The following MEIOC variants were observed in gnomAD, a reference collection of about 807,000 sequenced individuals.
The protein encoded by MEIOC is meiosis-specific coiled-coil domain-containing protein MEIOC.
A neutral mutation model predicts 85.3 loss-of-function variants in MEIOC; 9 were observed. The observed-to-expected ratio is 0.11, with a 90% CI of 0.06 to 0.18. The LOEUF is 0.18. Among genes scored for constraint, MEIOC ranks in the 10% least tolerant of loss-of-function variants. The probability of loss-of-function intolerance (pLI) is 1.00; values close to 1 mark genes in which losing one functional copy is unlikely to be tolerated. For missense variants in MEIOC, 898 were observed against 1,129.4 expected (o/e 0.80, Z 2.94); for synonymous variants, 365 against 393.7 (o/e 0.93, Z 0.86).
At chr17:44,669,361 A>T (rs766083467) in intron 5 of MEIOC, 22 bp from the exon 6 acceptor site, 2 of 1,538,708 alleles carry the variant, frequency 1.3e-6, no homozygotes, top group Non-Finnish European at 1.8e-6. Context: ...TCTACATCTA[A>T]AAAGTATGTA....
intron 3 of MEIOC, among the ~76,000 whole-genome samples, chr17:44,663,212 T>TCCC (rs1308621869): frequency 1.5e-4 from 23 of 152,284 alleles, no homozygotes; most frequent in African/African-American, 5.5e-4. Flanking sequence ...CAGATGCTTT[T>TCCC]CTATGGGGGA....
intron 5 of MEIOC, among the ~76,000 whole-genome samples, chr17:44,668,626 C>T (rs9915850): frequency 0.027 from 4,150 of 152,242 alleles, 134 homozygotes; most frequent in African/African-American, 0.077. Flanking sequence ...CCACTGCACC[C>T]GGCTAACTTG....
intron 1 of MEIOC, among the ~76,000 whole-genome samples, 187 bp from the exon 2 acceptor site, chr17:44,656,940 A>G (rs1003980698): frequency 5.3e-5 from 8 of 151,950 alleles, no homozygotes; most frequent in African/African-American, 1.9e-4. Context: ...CCTCGGGGTC[A>G]GCACTCAGGG....
chr17:44,666,910 T>C lies in MEIOC; in HGVS notation c.999T>C (p.His333=). 1 of 1,609,486 alleles carries C rather than the reference T, an allele frequency of 6.2e-7. No homozygotes were observed. The highest frequency in any genetic ancestry group is 1.1e-5 in the South Asian group (1 of 90,450). ...VDYCRYPEYV[H]PNKAKLNKCS... is the part of the protein sequence containing the mutation. The stretch of plus-strand genomic sequence containing the variant: ...ATTGTAGATACCCAGAGTATGTTCA[T>C]CCTAATAAGGCTAAGCTTAATAAAT... The change falls in exon 5 of 8, where the codon CAT becomes CAC. Residue 333 remains histidine, a synonymous_variant. Transcript: ENST00000409122.
At chr17:44,676,364 ATTCTTT>A (rs1302078802), downstream of MEIOC, 1 of 152,204 alleles carries the variant, frequency 6.6e-6, no homozygotes, top group Admixed American at 6.5e-5. Context: ...TGGTGTACTC[ATTCTTT>A]TTAATGGAAA....
rs955699241 is a variant in MEIOC at position 44,667,703 on chromosome 17, G to T, written c.1792G>T (p.Gly598Trp). The T allele has an allele frequency of 3.7e-6, 6 of 1,613,296 alleles. No individual in the cohort carries two copies. Among genetic ancestry groups the T allele is most frequent in the Non-Finnish European group, 3.4e-6 (4 of 1,179,660 alleles). Residue 598 changes from glycine to tryptophan, a missense_variant, in exon 5 of 8, where the codon GGG (glycine) becomes TGG (tryptophan). Gly to Trp is a radical substitution (Grantham distance 184). Coordinates refer to ENST00000409122, the MANE Select transcript of MEIOC (RefSeq NM_001145080.3). ...FCDNYSAQKY[G>W]IIENVNKHNF... Reference sequence around the variant, plus strand: ...TGATAACTATTCAGCTCAGAAGTATGGGATAATTGAAAATGTAAACAAACA... The same window carrying T: ...TGATAACTATTCAGCTCAGAAGTATTGGATAATTGAAAATGTAAACAAACA...
rs1971904819 is a variant in MEIOC at position 44,666,443 on chromosome 17, C to T, written c.532C>T (p.Leu178Phe). Residue 178 changes from leucine (L) to phenylalanine (F), a missense_variant, in exon 5 of 8, where the codon CTC becomes TTC. Transcript: ENST00000409122. The part of the protein sequence containing the change: ...NTSRFADHHD[L>F]LTETKRPIDT... ...AAGCAGATTTGCAGATCACCATGAC[C>T]TCTTAACAGAAACCAAAAGGCCAAT... The T allele has an allele frequency of 6.4e-7, 1 of 1,557,606 alleles. No individual in the cohort carries two copies.
Position 44,668,165 on chromosome 17 carries a change from A to G in MEIOC, c.2254A>G (p.Ser752Gly). ...RPIKTRSGPA[S>G]ELHIRLEECC... is the part of the protein sequence containing the mutation. ...AATTAAAACCCGTAGTGGACCAGCCAGTGAACTTCATATTCGTCTAGAAGA... is the reference window on the plus strand; with the variant it reads ...AATTAAAACCCGTAGTGGACCAGCCGGTGAACTTCATATTCGTCTAGAAGA... Residue 752 changes from serine to glycine, a missense_variant, in exon 5 of 8, where the codon AGT (serine) becomes GGT (glycine). Ser to Gly is a moderately conservative substitution (Grantham distance 56). Coordinates refer to ENST00000409122, the MANE Select transcript of MEIOC (RefSeq NM_001145080.3). 1.2e-6 allele frequency: 2 copies of G among 1,613,992 alleles called. No individual in the cohort carries two copies. The highest frequency in any genetic ancestry group is 1.7e-6 in the Non-Finnish European group (2 of 1,179,860).
intron 2 of MEIOC, among the ~76,000 whole-genome samples, chr17:44,661,239 G>A (rs952944571): frequency 3.2e-5 from 4 of 124,704 alleles, no homozygotes; most frequent in Non-Finnish European, 4.7e-5. Flanking sequence ...AGTGAGCCGA[G>A]ATCTCGCCAC....
chr17:44,665,311 G>C, intron 3 of MEIOC, 73 bp from the exon 4 acceptor site: 9 of 983,934 alleles, frequency 9.1e-6, no homozygotes, highest in Non-Finnish European at 1.1e-5. Context: ...TATAGATAAA[G>C]ATGGTAAGGT....
At position 44,672,579 on chromosome 17, in the gene MEIOC, T is replaced by C. The variant is rs142884865; in HGVS notation, c.2458-787T>C. Among the ~76,000 whole-genome samples the C allele has an allele frequency of 4.9e-3, 742 of 152,334 alleles. 5 individuals carry two copies. Among genetic ancestry groups the C allele is most frequent in the Middle Eastern group, 0.01 (3 of 294 alleles). ...CCAAGTTCTGCTATCAATTGTTAAA[T>C]CATTTAATTCCCAAAGACAATTACT... On this transcript the variant is annotated intron_variant, in intron 6 of 7. Coordinates refer to ENST00000409122, the MANE Select transcript of MEIOC (RefSeq NM_001145080.3).
At chr17:44,676,967 A>G (rs1972084831), downstream of MEIOC, 4 of 984,300 alleles carry the variant, frequency 4.1e-6, no homozygotes, top group Non-Finnish European at 4.8e-6. Context: ...TTGAGAGTAT[A>G]CTTAACTGTG....
intron 2 of MEIOC, among the ~76,000 whole-genome samples, chr17:44,660,678 T>C (rs1971830675): frequency 6.6e-6 from 1 of 152,216 alleles, no homozygotes; most frequent in South Asian, 2.1e-4. Context: ...TTCAGTCTTC[T>C]TTAAGGAAGC....
At chr17:44,673,200 T>G (rs1454617605) in intron 6 of MEIOC, 166 bp from the exon 7 acceptor site, 1 of 464,628 alleles carries the variant, frequency 2.2e-6, no homozygotes, top group Non-Finnish European at 3.7e-6. Context: ...TAGAAAACAC[T>G]TTCCATTTTT....
chr17:44,657,527 C>T (rs1971781247), intron 2 of MEIOC, among the ~76,000 whole-genome samples: 1 of 151,680 alleles, frequency 6.6e-6, no homozygotes, highest in Middle Eastern at 3.4e-3. Context: ...CGCCACCACG[C>T]CCGGCTGTTT....
intron 2 of MEIOC, among the ~76,000 whole-genome samples, chr17:44,661,212 C>T (rs907455002): frequency 7.2e-6 from 1 of 137,960 alleles, no homozygotes; most frequent in East Asian, 2.4e-4. Flanking sequence ...CGCTTCAACC[C>T]GGGAGGCAGA....
Position 44,666,661 on chromosome 17 carries a change from T to G in MEIOC, c.750T>G (p.Ile250Met). 6.2e-7 allele frequency: 1 copy of G among 1,612,114 alleles called. No individual in the cohort carries two copies. Among genetic ancestry groups the G allele is most frequent in the Non-Finnish European group, 8.5e-7 (1 of 1,178,942 alleles). The change falls in exon 5 of 8, where the codon ATT (isoleucine) becomes ATG (methionine). Residue 250 changes from isoleucine (I) to methionine (M), a missense_variant. This residue lies in a region of MEIOC where 734 missense variants were observed against 860.1 expected (regional missense o/e 0.85). Coordinates refer to ENST00000409122, the MANE Select transcript of MEIOC (RefSeq NM_001145080.3). ...GTGATCATTCTAACTGTCACAATAT[T>G]CAGACAAATGATACAGCTAAGACAA... The part of the protein sequence containing the change: ...SRSDHSNCHN[I>M]QTNDTAKTTF...
rs186266941 is a variant in MEIOC at position 44,674,766 on chromosome 17, T to G, written c.*570T>G. ...TACTACCATATTTATAAATTTGGAA[T>G]CTTAATGCCTAGGTATATGGAGGGA... On this transcript the variant is annotated 3_prime_UTR_variant, in exon 8 of 8. Coordinates refer to ENST00000409122, the MANE Select transcript of MEIOC (RefSeq NM_001145080.3). The G allele has an allele frequency of 1.0e-6, 1 of 979,736 alleles. No individual in the cohort carries two copies. The highest frequency in any genetic ancestry group is 1.1e-4 in the East Asian group (1 of 8,808). The allele number at this position is 979,736 out of a possible 1,614,324, so 60.7% of individuals were successfully genotyped here.
rs1235770438 is a variant in MEIOC at position 44,674,393 on chromosome 17, A to T, written c.*197A>T. On this transcript the variant is annotated 3_prime_UTR_variant, in exon 8 of 8. Transcript: ENST00000409122. ...CCGATATAGTTTTAAGTAAACGCAA[A>T]GGTACAGTTGACTACTCAGAGTTCT... 7.3e-7 allele frequency: 1 copy of T among 1,369,610 alleles called. No individual in the cohort carries two copies. The highest frequency in any genetic ancestry group is 2.6e-5 in the East Asian group (1 of 37,908). The allele number at this position is 1,369,610 out of a possible 1,614,324, so 84.8% of individuals were successfully genotyped here. A position where few individuals can be genotyped will look rare whatever the true frequency, so the allele number is the denominator to read the frequency against.
Sources: gnomAD v4.1 joint callset for allele counts (sites outside exome capture counted in the v4.1 genomes callset) on GRCh38, gnomAD v4.1.1 for gene constraint, gnomAD v4.1.1 regional missense constraint, MANE v1.5 for transcripts, NCBI Gene and HGNC (gene_info 2026-07-23, HGNC 2026-07-21) for gene names.